Variants in ATIC observed in about 807,000 individuals in gnomAD.
ATIC encodes 5-aminoimidazole-4-carboxamide ribonucleotide formyltransferase/IMP cyclohydrolase, also known as bifunctional purine biosynthesis protein ATIC.
ATIC carries 64 observed loss-of-function variants against 72.5 expected under a neutral mutation model. That is an observed-to-expected ratio of 0.88 (90% CI 0.72 to 1.09). The LOEUF is 1.09. Ranked by LOEUF, ATIC falls within the 50% of genes least tolerant of loss-of-function variation. The probability of loss-of-function intolerance (pLI) is 0.00; values close to 1 mark genes in which losing one functional copy is unlikely to be tolerated. For missense variants in ATIC, 787 were observed against 732.4 expected (o/e 1.07, Z -0.86); for synonymous variants, 281 against 267.1 (o/e 1.05, Z -0.51).
chr2:215,334,856 TTTA>T lies in ATIC; in HGVS notation c.923-59_923-57del, dbSNP rs548237190. On this transcript the variant is annotated intron_variant, in intron 9 of 15. Transcript: ENST00000236959. ...TGAATTTTATATGACAGTGGAGAAT[TTTA>T]TTACTTTTTCTGTATCAGGATACTT... 2.9e-4 allele frequency: 392 copies of T among 1,344,306 alleles called. 1 individual carries two copies. In the African/African-American group the frequency reaches 5.1e-3, roughly 17 times the overall value. The allele number at this position is 1,344,306 out of a possible 1,614,324, so 83.3% of individuals were successfully genotyped here. A position where few individuals can be genotyped will look rare whatever the true frequency, so the allele number is the denominator to read the frequency against.
intron 9 of ATIC, among the ~76,000 whole-genome samples, chr2:215,333,983 A>C (rs1265958467): frequency 1.3e-5 from 2 of 151,512 alleles, no homozygotes; most frequent in Non-Finnish European, 2.9e-5. Flanking sequence ...TGGAACTTGC[A>C]GTGAGCCAAG....
At chr2:215,332,255 G>A in intron 7 of ATIC, 127 bp from the exon 8 acceptor site, 2 of 1,322,096 alleles carry the variant, frequency 1.5e-6, no homozygotes, top group South Asian at 2.4e-5. Flanking sequence ...TTATGTTTGT[G>A]TGTATCTGTT....
At chr2:215,347,003 A>G (rs1162977708) in intron 14 of ATIC, 62 bp downstream of exon 14, 2 of 1,555,046 alleles carry the variant, frequency 1.3e-6, no homozygotes, top group African/African-American at 2.7e-5. Flanking sequence ...TTTATGTGTA[A>G]CAGATTTTAA....
intron 11 of ATIC, among the ~76,000 whole-genome samples, chr2:215,336,649 A>G (rs1215622229): frequency 6.6e-6 from 1 of 152,202 alleles, no homozygotes; most frequent in African/African-American, 2.4e-5. Flanking sequence ...TCCTATTGAC[A>G]CAAGTGCACC....
rs141872658 is a variant in ATIC, at chr2:215,344,785, G to A, written c.1234G>A (p.Glu412Lys). 954 of 1,613,988 alleles carry A rather than the reference G, an allele frequency of 5.9e-4. 5 individuals carry two copies. The African/African-American group carries it at 0.011, about 19-fold the overall frequency. The stretch of plus-strand genomic sequence containing the variant: ...CATTGTGTATGTGTTTCAGTTGCCA[G>A]AGTCTGCCCTCCGAGACCTCATCGT... Reference protein sequence around the residue: ...NVVTKNKDLPESALRDLIVAT... With the variant: ...NVVTKNKDLPKSALRDLIVAT... Residue 412 changes from glutamate to lysine, a missense_variant, in exon 13 of 16, where the codon GAG (glutamate) becomes AAG (lysine). Physicochemically the swap from Glu to Lys is moderately conservative, Grantham distance 56. Coordinates refer to ENST00000236959, the MANE Select transcript of ATIC (RefSeq NM_004044.7).
chr2:215,338,652 GA>G lies in ATIC; in HGVS notation c.1099-123del, dbSNP rs532282971. On this transcript the variant is annotated intron_variant, in intron 11 of 15. Transcript: ENST00000236959. Reference sequence around the variant, plus strand: ...TTGTGTGAGAAAAATTAGAAAATTAGAAAACTGTAAAAAATTAGAAACATGC... The same window carrying G: ...TTGTGTGAGAAAAATTAGAAAATTAGAAACTGTAAAAAATTAGAAACATGC... 2.9e-4 allele frequency: 297 copies of G among 1,017,238 alleles called. 1 individual carries two copies. The South Asian group carries it at 4.7e-3, about 16-fold the overall frequency. 63.0% of individuals were successfully genotyped at this position (1,017,238 alleles called of 1,614,324 possible). A position where few individuals can be genotyped will look rare whatever the true frequency, so the allele number is the denominator to read the frequency against.
At chr2:215,342,105 G>GTTGACACATGGGGATTATTATAAT (rs1393235436) in intron 12 of ATIC, among the ~76,000 whole-genome samples, 1 of 152,148 alleles carries the variant, frequency 6.6e-6, no homozygotes, top group African/African-American at 2.4e-5. Context: ...AGTCCTGCCT[G>GTTGACACATGGGGATTATTATAAT]TTGACACATG....
downstream of ATIC, among the ~76,000 whole-genome samples, chr2:215,351,354 C>T (rs2053129068): frequency 6.6e-6 from 1 of 152,194 alleles, no homozygotes; most frequent in African/African-American, 2.4e-5. Context: ...CCACAAAGTT[C>T]TGGGGTAATT....
chr2:215,317,985 T>C, intron 2 of ATIC, 172 bp from the exon 3 acceptor site: 2 of 651,270 alleles, frequency 3.1e-6, no homozygotes, highest in Non-Finnish European at 5.3e-6. Context: ...TTTTCGGAAG[T>C]AAATAGAATT....
intron 12 of ATIC, 59 bp downstream of exon 12, chr2:215,338,966 C>G (rs906304010): frequency 6.9e-6 from 11 of 1,599,762 alleles, no homozygotes; most frequent in Non-Finnish European, 7.7e-6. Flanking sequence ...GTTTTCAATA[C>G]TTAATGAGCT....
At chr2:215,359,326 C>T in the ATIC span, among the ~76,000 whole-genome samples, 1 of 152,176 alleles carries the variant, frequency 6.6e-6, no homozygotes, top group African/African-American at 2.4e-5. Flanking sequence ...GAAGGGCCTG[C>T]TTTACCAGCT....
chr2:215,316,047 C>T (rs2052705143), intron 2 of ATIC, among the ~76,000 whole-genome samples: 1 of 151,890 alleles, frequency 6.6e-6, no homozygotes. Flanking sequence ...GGAAGTTAAC[C>T]ATTACCTTGT....
chr2:215,355,413 TATTTC>T, the ATIC span, among the ~76,000 whole-genome samples: 2 of 152,100 alleles, frequency 1.3e-5, no homozygotes, highest in Non-Finnish European at 2.9e-5. Flanking sequence ...ATACTGAGTG[TATTTC>T]TATTGGGGGA....
chr2:215,339,824 G>A (rs1339783654), intron 12 of ATIC, among the ~76,000 whole-genome samples: 1 of 152,046 alleles, frequency 6.6e-6, no homozygotes, highest in African/African-American at 2.4e-5. Context: ...TTTTAGTAGA[G>A]ACGGTGTTTC....
the ATIC span, among the ~76,000 whole-genome samples, chr2:215,365,262 T>C: frequency 6.6e-6 from 1 of 152,204 alleles, no homozygotes; most frequent in Non-Finnish European, 1.5e-5. Flanking sequence ...TGTAGCATTT[T>C]ACTGCAGATA....
intron 9 of ATIC, among the ~76,000 whole-genome samples, chr2:215,334,329 G>T (rs2052931674): frequency 2.0e-5 from 3 of 151,480 alleles, no homozygotes; most frequent in South Asian, 4.2e-4. Flanking sequence ...GAGTAGCTGG[G>T]ATTACAGGTG....
intron 14 of ATIC, 171 bp downstream of exon 14, chr2:215,347,112 C>T: frequency 1.1e-6 from 1 of 886,684 alleles, no homozygotes; most frequent in South Asian, 1.6e-5. Flanking sequence ...GTTCTTCTGT[C>T]TCATGTAACT....
At position 215,318,227 on chromosome 2, in the gene ATIC, C is replaced by T. The variant is rs750274350; in HGVS notation, c.217C>T (p.His73Tyr). Residue 73 changes from histidine (H) to tyrosine (Y), a missense_variant, in exon 3 of 16, where the codon CAT becomes TAT. His to Tyr is a moderately conservative substitution (Grantham distance 83). Coordinates refer to ENST00000236959, the MANE Select transcript of ATIC (RefSeq NM_004044.7). ...GRVKTLHPAVHAGILARNIPE... is the reference protein window; with the variant it reads ...GRVKTLHPAVYAGILARNIPE... ...TGTGAAAACTTTGCATCCTGCAGTC[C>T]ATGCTGGTAAGTGGTTGGTATCTTT... 6.2e-7 allele frequency: 1 copy of T among 1,613,268 alleles called. No homozygotes were observed. The highest frequency in any genetic ancestry group is 8.5e-7 in the Non-Finnish European group (1 of 1,179,260).
downstream of ATIC, among the ~76,000 whole-genome samples, chr2:215,349,946 G>C (rs374666959): frequency 8.5e-5 from 13 of 152,276 alleles, no homozygotes; most frequent in East Asian, 1.7e-3. Context: ...TGAGCAGCCA[G>C]AGGACATGGC....
Sources: gnomAD v4.1 joint callset for allele counts (sites outside exome capture counted in the v4.1 genomes callset) on GRCh38, gnomAD v4.1.1 for gene constraint, MANE v1.5 for transcripts, NCBI Gene and HGNC (gene_info 2026-07-23, HGNC 2026-07-21) for gene names.